OPCML: variants seen among roughly 807,000 people sequenced by gnomAD.
OPCML encodes opioid binding protein/cell adhesion molecule like.
Under a neutral mutation model 37.8 loss-of-function variants are expected in OPCML, and 13 were observed. The ratio of observed to expected loss-of-function variants is 0.34; its 90% CI spans 0.22 to 0.55. The LOEUF (loss-of-function observed/expected upper bound fraction) is 0.55, where lower values mean the gene tolerates loss of function less well. Among genes scored for constraint, OPCML ranks in the 20% least tolerant of loss-of-function variants. The pLI is 0.91. For missense variants in OPCML, 341 were observed against 435.6 expected, an observed-to-expected ratio of 0.78 and a Z score of 1.93; for synonymous variants, 176 against 168.8, an observed-to-expected ratio of 1.04 and a Z score of -0.33.
intron 1 of OPCML, among the ~76,000 whole-genome samples, chr11:133,483,715 GATAGA>G: frequency 7.1e-6 from 1 of 141,792 alleles, no homozygotes; most frequent in South Asian, 2.4e-4. Flanking sequence ...TAGATAGATA[GATAGA>G]TAAAATAGGC....
chr11:132,628,980 G>A lies in OPCML; in HGVS notation c.379+28107C>T, dbSNP rs527910460. The stretch of plus-strand genomic sequence containing the variant: ...TTTCCTTTATAAATTACCCAGTCTT[G>A]GGTGTGTCTTTATTAGCAGGATGAG... On this transcript the variant is annotated intron_variant, in intron 3 of 7. Transcript: ENST00000524381. Among the ~76,000 whole-genome samples, 8 of 152,156 alleles carry A rather than the reference G, an allele frequency of 5.3e-5. No homozygotes were observed. In the East Asian group the frequency reaches 1.5e-3, roughly 29 times the overall value.
At position 132,526,678 on chromosome 11, in the gene OPCML, C is replaced by T. The variant is rs562641217; in HGVS notation, c.505+2383G>A. On this transcript the variant is annotated intron_variant, in intron 4 of 7. Transcript: ENST00000524381. ...TAAGTGCAATGACATAAATAATGTT[C>T]CAAATTAAGAAAAAAATTCAGATCA... Among the ~76,000 whole-genome samples the T allele has an allele frequency of 4.6e-5, 7 of 152,184 alleles. No individual in the cohort carries two copies. In the East Asian group the frequency reaches 1.4e-3, roughly 29 times the overall value.
At chr11:132,984,330 A>G (rs911326533) in intron 1 of OPCML, among the ~76,000 whole-genome samples, 1 of 152,236 alleles carries the variant, frequency 6.6e-6, no homozygotes, top group Admixed American at 6.5e-5. Context: ...TTTATTAAGT[A>G]CTTACAATAT....
intron 2 of OPCML, among the ~76,000 whole-genome samples, chr11:132,885,287 T>C (rs1943367983): frequency 6.6e-6 from 1 of 152,208 alleles, no homozygotes; most frequent in African/African-American, 2.4e-5. Context: ...TATGGGTCCT[T>C]ACTAGAAAGG....
intron 1 of OPCML, among the ~76,000 whole-genome samples, chr11:132,979,096 A>T (rs1174888268): frequency 1.3e-5 from 2 of 152,052 alleles, no homozygotes; most frequent in African/African-American, 4.8e-5. Context: ...CCCATCAACA[A>T]CCACTGCCAG....
At chr11:133,058,133 C>A (rs553547189) in intron 1 of OPCML, among the ~76,000 whole-genome samples, 41 of 152,152 alleles carry the variant, frequency 2.7e-4, no homozygotes, top group African/African-American at 9.9e-4. Flanking sequence ...TAAAGCCAGG[C>A]AAATAATTAA....
intron 2 of OPCML, among the ~76,000 whole-genome samples, chr11:132,785,169 T>C (rs1947166484): frequency 6.6e-6 from 1 of 152,240 alleles, no homozygotes; most frequent in Non-Finnish European, 1.5e-5. Flanking sequence ...ATAATAATGA[T>C]GAAGCTGATG....
intron 2 of OPCML, among the ~76,000 whole-genome samples, chr11:132,905,485 G>A (rs1269697716): frequency 5.3e-5 from 8 of 151,654 alleles, no homozygotes; most frequent in Non-Finnish European, 1.2e-4. Context: ...CACCTGCCTC[G>A]GCCTCCCAAA....
chr11:132,475,071 C>G (rs545975715), intron 4 of OPCML, among the ~76,000 whole-genome samples: 1 of 152,304 alleles, frequency 6.6e-6, no homozygotes, highest in South Asian at 2.1e-4. Flanking sequence ...CTTCTCTCCA[C>G]CAGCCCTGAG....
chr11:133,215,212 G>GTC (rs1312964936), intron 1 of OPCML, among the ~76,000 whole-genome samples: 1 of 149,422 alleles, frequency 6.7e-6, no homozygotes, highest in Non-Finnish European at 1.5e-5. Context: ...GAGAGTGTGT[G>GTC]TGTGTGAGAG....
At chr11:132,877,072 A>G (rs774241697) in intron 2 of OPCML, among the ~76,000 whole-genome samples, 23 of 152,204 alleles carry the variant, frequency 1.5e-4, no homozygotes, top group South Asian at 2.1e-4. Context: ...AAGCTGCCCA[A>G]TCACTTCCCA....
intron 1 of OPCML, among the ~76,000 whole-genome samples, chr11:133,217,726 C>T (rs534513441): frequency 1.3e-5 from 2 of 152,266 alleles, no homozygotes; most frequent in South Asian, 4.1e-4. Context: ...CATTGCTGGG[C>T]AGATTTCATT....
intron 1 of OPCML, among the ~76,000 whole-genome samples, chr11:133,139,924 C>T (rs537701243): frequency 2.0e-5 from 3 of 152,238 alleles, no homozygotes; most frequent in South Asian, 2.1e-4. Flanking sequence ...CGGTGGCTCA[C>T]TCCTGTAATC....
At chr11:133,313,974 G>A (rs1028798920) in intron 1 of OPCML, among the ~76,000 whole-genome samples, 1 of 152,088 alleles carries the variant, frequency 6.6e-6, no homozygotes, top group African/African-American at 2.4e-5. Flanking sequence ...AGTGGCTCAC[G>A]CCTGTAATCC....
At chr11:132,501,220 A>C (rs2096244816) in intron 4 of OPCML, among the ~76,000 whole-genome samples, 1 of 152,238 alleles carries the variant, frequency 6.6e-6, no homozygotes, top group African/African-American at 2.4e-5. Flanking sequence ...ACCTTATACA[A>C]AAATTAACCC....
At position 132,935,667 on chromosome 11, in the gene OPCML, C is replaced by G. The variant is rs186229441; in HGVS notation, c.146+7259G>C. On this transcript the variant is annotated intron_variant, in intron 2 of 7. Coordinates refer to ENST00000524381, the MANE Select transcript of OPCML (RefSeq NM_001012393.5). ...ATCTCCAGGGACCAGCAAGTCAAAG[C>G]GAGTCACATGGTTTTCTCTGGGGTA... is the stretch of plus-strand genomic sequence containing the variant. Among the ~76,000 whole-genome samples, 42 of 152,268 alleles carry G rather than the reference C, an allele frequency of 2.8e-4. No individual in the cohort carries two copies. The East Asian group carries it at 3.1e-3, about 11-fold the overall frequency.
chr11:132,850,468 T>A (rs1331548301), intron 2 of OPCML, among the ~76,000 whole-genome samples: 1 of 152,060 alleles, frequency 6.6e-6, no homozygotes, highest in African/African-American at 2.4e-5. Context: ...AGACAGGGTG[T>A]TGGAAGTTAA....
intron 1 of OPCML, among the ~76,000 whole-genome samples, chr11:133,146,947 G>A (rs1949906041): frequency 6.6e-6 from 1 of 152,230 alleles, no homozygotes; most frequent in Admixed American, 6.5e-5. Context: ...CCTTTGCTGA[G>A]TACTGAGAAG....
intron 2 of OPCML, among the ~76,000 whole-genome samples, chr11:132,812,007 G>A (rs961329093): frequency 2.0e-5 from 3 of 152,212 alleles, no homozygotes; most frequent in East Asian, 1.9e-4. Flanking sequence ...CAGCTTAGAC[G>A]CAGTGGCTTG....
Sources: allele counts gnomAD v4.1 joint callset (sites outside exome capture counted in the v4.1 genomes callset), GRCh38; gene constraint gnomAD v4.1.1; transcripts MANE v1.5; gene names NCBI Gene and HGNC (gene_info 2026-07-23, HGNC 2026-07-21).